The following DLGAP1 variants were observed in gnomAD, a reference collection of about 807,000 sequenced individuals.
The protein encoded by DLGAP1 is DLG associated protein 1.
A neutral mutation model predicts 90.8 loss-of-function variants in DLGAP1; 11 were observed. The ratio of observed to expected loss-of-function variants is 0.12; its 90% CI spans 0.08 to 0.20. DLGAP1 has a LOEUF of 0.20. Among genes scored for constraint, DLGAP1 ranks in the 10% least tolerant of loss-of-function variants. The probability of loss-of-function intolerance (pLI) is 1.00; values close to 1 mark genes in which losing one functional copy is unlikely to be tolerated. For synonymous variants in DLGAP1, 558 were observed against 540.7 expected, an observed-to-expected ratio of 1.03 and a Z score of -0.44; for missense variants, 1,050 against 1,333.8, an observed-to-expected ratio of 0.79 and a Z score of 3.31.
At chr18:3,882,503 G>T (rs148036723) in intron 3 of DLGAP1, among the ~76,000 whole-genome samples, 1 of 149,758 alleles carries the variant, frequency 6.7e-6, no homozygotes, top group Non-Finnish European at 1.5e-5. Context: ...CTTCAGCCTG[G>T]GTGACAGAAT....
chr18:3,506,552 CAAA>C (rs60692504), intron 11 of DLGAP1, among the ~76,000 whole-genome samples: 27 of 101,354 alleles, frequency 2.7e-4, no homozygotes, highest in Non-Finnish European at 5.3e-4. Context: ...AACTCCATGT[CAAA>C]AAAAAAAAAA....
intron 3 of DLGAP1, among the ~76,000 whole-genome samples, chr18:3,977,232 C>T (rs906299124): frequency 1.3e-5 from 2 of 152,016 alleles, no homozygotes; most frequent in African/African-American, 4.8e-5. Flanking sequence ...CCACCACTCC[C>T]AGCTAATTTT....
At chr18:3,893,969 A>C (rs1197427965) in intron 3 of DLGAP1, among the ~76,000 whole-genome samples, 1 of 150,132 alleles carries the variant, frequency 6.7e-6, no homozygotes, top group East Asian at 1.9e-4. Context: ...TCTGATGATT[A>C]GTGATGTTGA....
At chr18:3,726,651 T>G (rs2062192421) in intron 7 of DLGAP1, among the ~76,000 whole-genome samples, 1 of 152,244 alleles carries the variant, frequency 6.6e-6, no homozygotes, top group African/African-American at 2.4e-5. Context: ...GGTTTAGTAC[T>G]TAAACTGTTT....
At chr18:4,086,912 C>A (rs2075689324) in intron 2 of DLGAP1, among the ~76,000 whole-genome samples, 2 of 150,686 alleles carry the variant, frequency 1.3e-5, no homozygotes, top group Non-Finnish European at 1.5e-5. Context: ...CCTTTTAGTT[C>A]TATTAGTTTT....
At position 4,454,983 on chromosome 18, in the gene DLGAP1, C is replaced by T. The variant is rs985004532; in HGVS notation, c.-267+23G>A. On this transcript the variant is annotated intron_variant, in intron 1 of 12. Coordinates refer to ENST00000315677, the MANE Select transcript of DLGAP1 (RefSeq NM_004746.4). This position sits in a 1 kb window ranked among gnomAD's most constrained non-coding sequence, Gnocchi z 4.7. ...CCGCCGCCGCCGCGCACGCCCCAGC[C>T]CCGCGGCGCAGCCCGGCGTTACCTG... 6.6e-6 allele frequency: 1 copy of T among 150,870 alleles called. No individual in the cohort carries two copies. The highest frequency in any genetic ancestry group is 1.5e-5 in the Non-Finnish European group (1 of 67,638). 9.3% of individuals were successfully genotyped at this position (150,870 alleles called of 1,614,324 possible). A position where few individuals can be genotyped will look rare whatever the true frequency, so the allele number is the denominator to read the frequency against.
At chr18:4,100,715 CT>C (rs1161330543) in intron 2 of DLGAP1, among the ~76,000 whole-genome samples, 2 of 76,988 alleles carry the variant, frequency 2.6e-5, no homozygotes, top group Non-Finnish European at 5.2e-5. Flanking sequence ...GCCACCTTCA[CT>C]AGTGACTTTA....
intron 7 of DLGAP1, among the ~76,000 whole-genome samples, chr18:3,713,245 T>C (rs111595591): frequency 3.5e-4 from 53 of 152,310 alleles, no homozygotes; most frequent in African/African-American, 1.1e-3. Flanking sequence ...CTGCAACTGA[T>C]TGGACTCCCA....
At chr18:4,220,363 T>C (rs1185730546) in intron 1 of DLGAP1, among the ~76,000 whole-genome samples, 4 of 152,142 alleles carry the variant, frequency 2.6e-5, no homozygotes, top group Non-Finnish European at 4.4e-5. Context: ...TAGTATCCTT[T>C]GTTCTCATTT....
chr18:4,164,467 G>A (rs1401874174), intron 1 of DLGAP1, among the ~76,000 whole-genome samples: 1 of 152,106 alleles, frequency 6.6e-6, no homozygotes, highest in Non-Finnish European at 1.5e-5. Flanking sequence ...ATCACCTGAG[G>A]TCAGGAGTTT....
intron 1 of DLGAP1, among the ~76,000 whole-genome samples, chr18:4,351,912 A>G (rs113778611): frequency 4.6e-5 from 7 of 152,328 alleles, no homozygotes; most frequent in Admixed American, 2.0e-4. Context: ...TCTTTCTGTT[A>G]AAAGCAACAC....
At chr18:4,033,004 T>C (rs2074823941) in intron 2 of DLGAP1, among the ~76,000 whole-genome samples, 1 of 152,296 alleles carries the variant, frequency 6.6e-6, no homozygotes, top group Non-Finnish European at 1.5e-5. Context: ...AATATGAATA[T>C]TGGATCAGAG....
intron 7 of DLGAP1, among the ~76,000 whole-genome samples, chr18:3,670,518 A>ATGAG (rs2060050204): frequency 6.6e-6 from 1 of 152,214 alleles, no homozygotes; most frequent in Admixed American, 6.5e-5. Context: ...AAATCTTTAC[A>ATGAG]TGAGTGTAAT....
At chr18:3,513,753 G>T (rs1260020211) in intron 10 of DLGAP1, among the ~76,000 whole-genome samples, 1 of 152,156 alleles carries the variant, frequency 6.6e-6, no homozygotes, top group Non-Finnish European at 1.5e-5. Flanking sequence ...TGGGAAAGGG[G>T]AGTCTTTTAT....
intron 2 of DLGAP1, among the ~76,000 whole-genome samples, chr18:4,066,017 C>T (rs144786810): frequency 1.1e-3 from 172 of 152,064 alleles, no homozygotes; most frequent in African/African-American, 3.9e-3. Flanking sequence ...TGACCACACA[C>T]CTACAAGTAT....
chr18:3,822,902 T>C (rs111300411), intron 4 of DLGAP1, among the ~76,000 whole-genome samples: 23,344 of 152,212 alleles, frequency 0.15, 2,158 homozygotes, highest in South Asian at 0.25. Context: ...TCCCAGCTAC[T>C]TGGGAGGCTG....
intron 4 of DLGAP1, among the ~76,000 whole-genome samples, chr18:3,853,878 T>C (rs193057289): frequency 6.6e-6 from 1 of 152,306 alleles, no homozygotes; most frequent in East Asian, 1.9e-4. Context: ...ATCTACTGCA[T>C]ATATATCCAC....
At chr18:4,031,144 T>C (rs1253116632) in intron 2 of DLGAP1, among the ~76,000 whole-genome samples, 1 of 152,108 alleles carries the variant, frequency 6.6e-6, no homozygotes, top group Admixed American at 6.5e-5. Flanking sequence ...ATGACAAAAC[T>C]TGACAGAGTT....
rs74383589 is a variant in DLGAP1 at position 3,944,035 on chromosome 18, A to G, written c.-73+61081T>C. ...ATTTCTGTTGTTTAAGCCACTCAGT[A>G]TGTGGTACTTTTTAATGGCAGCTCT... On this transcript the variant is annotated intron_variant, in intron 3 of 12. Coordinates refer to ENST00000315677, the MANE Select transcript of DLGAP1 (RefSeq NM_004746.4). Among the ~76,000 whole-genome samples, 341 of 152,332 alleles carry G rather than the reference A, an allele frequency of 2.2e-3. 3 individuals carry two copies. The highest frequency in any genetic ancestry group is 7.6e-3 in the African/African-American group (314 of 41,578).
Sources: allele counts gnomAD v4.1 joint callset (sites outside exome capture counted in the v4.1 genomes callset), GRCh38; gene constraint gnomAD v4.1.1; non-coding constraint Gnocchi (gnomAD v3.1); transcripts MANE v1.5; gene names NCBI Gene and HGNC (gene_info 2026-07-23, HGNC 2026-07-21).